ATF7IP2: variants seen among roughly 807,000 people sequenced by gnomAD.
ATF7IP2 encodes the protein activating transcription factor 7-interacting protein 2.
ATF7IP2 carries 42 observed loss-of-function variants against 64.2 expected under a neutral mutation model. The ratio of observed to expected loss-of-function variants is 0.65; its 90% confidence interval spans 0.51 to 0.85. The LOEUF is 0.85. ATF7IP2 is among the 40% of genes least tolerant of loss of function. The pLI, the probability that ATF7IP2 is intolerant of heterozygous loss-of-function variation, is 0.00. For missense variants in ATF7IP2, 933 were observed against 784.2 expected, an observed-to-expected ratio of 1.19 and a Z score of -2.27; for synonymous variants, 308 against 272.8, an observed-to-expected ratio of 1.13 and a Z score of -1.27.
intron 10 of ATF7IP2, 91 bp from the exon 11 acceptor site, chr16:10,473,388 T>G: frequency 1.3e-6 from 1 of 788,080 alleles, no homozygotes; most frequent in Non-Finnish European, 2.2e-6. Context: ...AACAGCTAAT[T>G]AGCATCCCTA....
intron 7 of ATF7IP2, among the ~76,000 whole-genome samples, chr16:10,439,281 G>A (rs1596515941): frequency 6.6e-6 from 1 of 151,984 alleles, no homozygotes; most frequent in East Asian, 1.9e-4. Context: ...CCAGGCTGGA[G>A]TGCAGTGGCG....
chr16:10,421,405 G>A (rs1481025443), intron 3 of ATF7IP2, among the ~76,000 whole-genome samples: 2 of 152,158 alleles, frequency 1.3e-5, no homozygotes, highest in African/African-American at 4.8e-5. Flanking sequence ...GAGGGCTATT[G>A]CGACTAGGAT....
intron 9 of ATF7IP2, among the ~76,000 whole-genome samples, chr16:10,467,612 A>G (rs547966212): frequency 6.4e-4 from 96 of 150,718 alleles, no homozygotes; most frequent in African/African-American, 1.1e-3. Context: ...TCTGTCACCC[A>G]GGCTGGAGTG....
chr16:10,429,695 GTTTTATTTTATTTTA>G (rs55705185), intron 4 of ATF7IP2, among the ~76,000 whole-genome samples: 5 of 138,416 alleles, frequency 3.6e-5, no homozygotes, highest in African/African-American at 1.3e-4. Context: ...CTTAGTGCTG[GTTTTATTTTATTTTA>G]TTTTATTTTA....
intron 1 of ATF7IP2, among the ~76,000 whole-genome samples, chr16:10,413,925 A>G (rs957278422): frequency 6.6e-6 from 1 of 152,196 alleles, no homozygotes; most frequent in South Asian, 2.1e-4. Context: ...GTTTTCCTTT[A>G]TAGATTACCT....
chr16:10,436,299 T>C (rs1017021511), intron 6 of ATF7IP2, among the ~76,000 whole-genome samples: 3 of 152,104 alleles, frequency 2.0e-5, no homozygotes, highest in African/African-American at 2.4e-5. Flanking sequence ...TGGGTGAAGA[T>C]TGCAGTGAGC....
At chr16:10,393,505 G>A (rs759249893) in intron 1 of ATF7IP2, among the ~76,000 whole-genome samples, 6 of 151,900 alleles carry the variant, frequency 3.9e-5, no homozygotes, top group African/African-American at 9.7e-5. Flanking sequence ...ATAGGCATTC[G>A]GTAGAATATA....
intron 10 of ATF7IP2, 47 bp from the exon 11 acceptor site, chr16:10,473,432 C>T (rs1034468081): frequency 1.5e-5 from 17 of 1,143,558 alleles, no homozygotes; most frequent in African/African-American, 1.4e-4. Context: ...TTCACAAAGC[C>T]CATAAATATT....
intron 12 of ATF7IP2, among the ~76,000 whole-genome samples, chr16:10,474,636 A>G (rs1425896456): frequency 3.9e-5 from 6 of 152,190 alleles, no homozygotes; most frequent in Admixed American, 3.9e-4. Context: ...GATCAGTTAT[A>G]AGGTCTCATT....
rs539194033 is a variant in ATF7IP2, at chr16:10,479,752, G to C, written c.1550-1127G>C. On this transcript the variant is annotated intron_variant, in intron 12 of 13. Transcript: ENST00000562102. ...ACATGAAAAAAAGCTCAACATCACT[G>C]ATCATCAGAGGAATGCAAATCAAAA... 6.5e-4 allele frequency among the ~76,000 whole-genome samples: 99 copies of C among 151,734 alleles called. 1 individual carries two copies. Among genetic ancestry groups the C allele is most frequent in the African/African-American group, 2.1e-3 (85 of 41,422 alleles).
At chr16:10,425,616 G>A (rs779027457) in intron 3 of ATF7IP2, among the ~76,000 whole-genome samples, 2 of 152,006 alleles carry the variant, frequency 1.3e-5, no homozygotes, top group Non-Finnish European at 1.5e-5. Flanking sequence ...AAAGTAGGCC[G>A]GGTGTGGTGG....
At chr16:10,450,686 T>C (rs992076884) in intron 8 of ATF7IP2, among the ~76,000 whole-genome samples, 6 of 152,196 alleles carry the variant, frequency 3.9e-5, no homozygotes, top group Admixed American at 6.5e-5. Flanking sequence ...CCTCCATCCC[T>C]TTATTTTGAG....
intron 12 of ATF7IP2, among the ~76,000 whole-genome samples, chr16:10,477,414 C>G (rs529672817): frequency 6.6e-6 from 1 of 152,040 alleles, no homozygotes; most frequent in Non-Finnish European, 1.5e-5. Context: ...AGGCCTTTGA[C>G]AAAATTCAAC....
intron 1 of ATF7IP2, among the ~76,000 whole-genome samples, chr16:10,412,537 G>C (rs1215883101): frequency 6.6e-6 from 1 of 152,128 alleles, no homozygotes; most frequent in African/African-American, 2.4e-5. Context: ...TGGTCTGAGA[G>C]AGTGCTTGAT....
intron 10 of ATF7IP2, 62 bp from the exon 11 acceptor site, chr16:10,473,417 C>A: frequency 2.0e-6 from 2 of 1,020,756 alleles, no homozygotes; most frequent in South Asian, 2.7e-5. Context: ...TTTTAGCATT[C>A]ATATTTCACA....
chr16:10,412,718 A>G (rs978910804), intron 1 of ATF7IP2, among the ~76,000 whole-genome samples: 1 of 152,112 alleles, frequency 6.6e-6, no homozygotes, highest in African/African-American at 2.4e-5. Context: ...GTTTAAATCC[A>G]TTATTTCTTT....
intron 8 of ATF7IP2, among the ~76,000 whole-genome samples, chr16:10,443,161 A>G (rs1596528756): frequency 6.6e-6 from 1 of 152,066 alleles, no homozygotes; most frequent in African/African-American, 2.4e-5. Context: ...CAACACATCC[A>G]CTCGAGGATG....
chr16:10,407,472 T>C (rs2047667090), intron 1 of ATF7IP2, among the ~76,000 whole-genome samples: 2 of 152,282 alleles, frequency 1.3e-5, no homozygotes, highest in African/African-American at 4.8e-5. Context: ...ATCTTATATT[T>C]GGAAAATCCT....
At chr16:10,424,181 G>T (rs1185780260) in intron 3 of ATF7IP2, among the ~76,000 whole-genome samples, 1 of 152,188 alleles carries the variant, frequency 6.6e-6, no homozygotes, top group African/African-American at 2.4e-5. Context: ...TTCTGCCCTG[G>T]GTGGGCGAGG....
Sources: allele counts gnomAD v4.1 joint callset (sites outside exome capture counted in the v4.1 genomes callset), GRCh38; gene constraint gnomAD v4.1.1; transcripts MANE v1.5; gene names NCBI Gene and HGNC (gene_info 2026-07-23, HGNC 2026-07-21).